The following ADGRL2 variants were observed in gnomAD, a reference collection of about 807,000 sequenced individuals.
The protein encoded by ADGRL2 is adhesion G protein-coupled receptor L2.
A neutral mutation model predicts 157.4 loss-of-function variants in ADGRL2; 44 were observed. The ratio of observed to expected loss-of-function variants is 0.28; its 90% CI spans 0.22 to 0.36. The LOEUF (loss-of-function observed/expected upper bound fraction) is 0.36, where lower values mean the gene tolerates loss of function less well. Among genes scored for constraint, ADGRL2 ranks in the 10% least tolerant of loss-of-function variants. ADGRL2 has a pLI of 1.00. For missense variants in ADGRL2, 1,510 were observed against 1,768.9 expected, an observed-to-expected ratio of 0.85 and a Z score of 2.63; for synonymous variants, 585 against 624.7, an observed-to-expected ratio of 0.94 and a Z score of 0.95.
At chr1:81,635,734 T>C (rs1272653229) in intron 3 of ADGRL2, among the ~76,000 whole-genome samples, 9 of 152,154 alleles carry the variant, frequency 5.9e-5, no homozygotes, top group Non-Finnish European at 1.5e-5. Context: ...GATATCACAT[T>C]GGGGCATAAG....
chr1:81,794,529 A>C (rs1276311152), intron 2 of ADGRL2, among the ~76,000 whole-genome samples: 1 of 152,204 alleles, frequency 6.6e-6, no homozygotes. Flanking sequence ...TTCTAACCTA[A>C]AACAAATTTT....
intron 3 of ADGRL2, among the ~76,000 whole-genome samples, chr1:81,619,238 T>C (rs2081734663): frequency 6.6e-6 from 1 of 151,780 alleles, no homozygotes; most frequent in Admixed American, 6.6e-5. Context: ...CGTATCACTG[T>C]TTATGGGTGG....
chr1:81,391,891 C>A (rs1274682329), intron 1 of ADGRL2, among the ~76,000 whole-genome samples: 3 of 152,076 alleles, frequency 2.0e-5, no homozygotes, highest in Non-Finnish European at 4.4e-5. Flanking sequence ...TAAGTACTAC[C>A]ATTTATTAAA....
At chr1:81,388,700 G>A (rs751264777) in intron 1 of ADGRL2, among the ~76,000 whole-genome samples, 7 of 152,096 alleles carry the variant, frequency 4.6e-5, no homozygotes, top group Non-Finnish European at 8.8e-5. Flanking sequence ...CCCTCACATC[G>A]GATCTGCGGG....
intron 2 of ADGRL2, among the ~76,000 whole-genome samples, chr1:81,575,652 C>T (rs543357576): frequency 9.9e-5 from 15 of 152,164 alleles, no homozygotes; most frequent in Middle Eastern, 6.8e-3. Flanking sequence ...TAGAAAAATA[C>T]ATACAGATTT....
chr1:81,967,060 G>A (rs1657278141), intron 13 of ADGRL2, among the ~76,000 whole-genome samples: 1 of 152,086 alleles, frequency 6.6e-6, no homozygotes, highest in African/African-American at 2.4e-5. Context: ...CAGTTGAGGA[G>A]ATGTGATTCC....
chr1:81,589,746 G>T (rs1041901303), intron 3 of ADGRL2, among the ~76,000 whole-genome samples: 1 of 152,090 alleles, frequency 6.6e-6, no homozygotes, highest in African/African-American at 2.4e-5. Context: ...GTGGTAACTG[G>T]TTTTGATTTA....
intron 3 of ADGRL2, among the ~76,000 whole-genome samples, chr1:81,627,710 CAG>C (rs1160571374): frequency 1.3e-5 from 2 of 152,152 alleles, no homozygotes; most frequent in African/African-American, 4.8e-5. Flanking sequence ...AACAGTAAGA[CAG>C]AGAGCTTGAA....
At chr1:81,559,337 T>A (rs1446950911) in intron 2 of ADGRL2, among the ~76,000 whole-genome samples, 1 of 152,108 alleles carries the variant, frequency 6.6e-6, no homozygotes, top group East Asian at 1.9e-4. Flanking sequence ...GGTAACTGAT[T>A]AGTGTCAATT....
chr1:81,599,299 G>A (rs1405511842), intron 3 of ADGRL2, among the ~76,000 whole-genome samples: 1 of 152,164 alleles, frequency 6.6e-6, no homozygotes. Context: ...CCATTTGACT[G>A]TGGTGAATAA....
chr1:81,689,268 T>C (rs975309831), intron 3 of ADGRL2, among the ~76,000 whole-genome samples: 14 of 152,222 alleles, frequency 9.2e-5, no homozygotes, highest in Non-Finnish European at 1.6e-4. Flanking sequence ...AATCTTTCCC[T>C]ATCTCTGACC....
chr1:81,963,353 C>A (rs1444754431), intron 11 of ADGRL2, among the ~76,000 whole-genome samples: 2 of 151,942 alleles, frequency 1.3e-5, no homozygotes, highest in Admixed American at 1.3e-4. Context: ...GTGAATAATA[C>A]TTGTTTTTTC....
At chr1:81,495,007 G>A (rs1179295633) in intron 2 of ADGRL2, among the ~76,000 whole-genome samples, 1 of 152,098 alleles carries the variant, frequency 6.6e-6, no homozygotes, top group Non-Finnish European at 1.5e-5. Context: ...GCTTTCAAAT[G>A]CCTTAGGATT....
chr1:81,783,049 A>G (rs2086882406), intron 2 of ADGRL2, among the ~76,000 whole-genome samples: 1 of 152,218 alleles, frequency 6.6e-6, no homozygotes, highest in Non-Finnish European at 1.5e-5. Flanking sequence ...TGGCTCTTAG[A>G]AAGCTTAAAG....
chr1:81,540,940 A>G (rs1233083616), intron 2 of ADGRL2, among the ~76,000 whole-genome samples: 1 of 152,202 alleles, frequency 6.6e-6, no homozygotes, highest in East Asian at 1.9e-4. Flanking sequence ...ACCTGTATAA[A>G]GTGCAATTTT....
chr1:81,833,354 T>C (rs709702), intron 1 of ADGRL2, among the ~76,000 whole-genome samples: 19,290 of 152,210 alleles, frequency 0.13, 1,302 homozygotes, highest in Admixed American at 0.21. Flanking sequence ...TTGGGCTTAA[T>C]AGCCAGTGTT....
intron 2 of ADGRL2, among the ~76,000 whole-genome samples, chr1:81,446,763 T>C (rs761743688): frequency 3.2e-4 from 49 of 152,190 alleles, no homozygotes; most frequent in Non-Finnish European, 6.6e-4. Flanking sequence ...TACACTTACA[T>C]AGTAATATAT....
intron 2 of ADGRL2, among the ~76,000 whole-genome samples, chr1:81,887,601 T>C (rs2094156372): frequency 6.6e-6 from 1 of 152,348 alleles, no homozygotes; most frequent in South Asian, 2.1e-4. Flanking sequence ...CCGGGCTGCA[T>C]GATCCTAAAA....
intron 3 of ADGRL2, among the ~76,000 whole-genome samples, chr1:81,925,243 T>C (rs914840186): frequency 3.9e-5 from 6 of 152,122 alleles, no homozygotes; most frequent in African/African-American, 1.4e-4. Context: ...GAACTATGTA[T>C]TTCCCTTGCC....
Sources: gnomAD v4.1 joint callset for allele counts (sites outside exome capture counted in the v4.1 genomes callset) on GRCh38, gnomAD v4.1.1 for gene constraint, MANE v1.5 for transcripts, NCBI Gene and HGNC (gene_info 2026-07-23, HGNC 2026-07-21) for gene names.